The following SCAF11 variants were observed in gnomAD, a reference collection of about 807,000 sequenced individuals.
The protein encoded by SCAF11 is protein SCAF11.
SCAF11 carries 47 observed loss-of-function variants against 140.5 expected under a neutral mutation model. The ratio of observed to expected loss-of-function variants is 0.33; its 90% confidence interval spans 0.26 to 0.43. The LOEUF (loss-of-function observed/expected upper bound fraction) is 0.43. Among genes scored for constraint, SCAF11 ranks in the 20% least tolerant of loss-of-function variants. The pLI is 1.00. For missense variants in SCAF11, 1,645 were observed against 1,705.1 expected (o/e 0.96, Z 0.62); for synonymous variants, 557 against 579.4 (o/e 0.96, Z 0.55).
At chr12:45,959,993 A>T (rs920912566) in intron 3 of SCAF11, among the ~76,000 whole-genome samples, 1 of 152,216 alleles carries the variant, frequency 6.6e-6, no homozygotes. Context: ...GCAATTTGAA[A>T]AATATTACAT....
At chr12:45,929,642 T>C (rs1265029284) in intron 10 of SCAF11, 1 of 152,238 alleles carries the variant, frequency 6.6e-6, no homozygotes, top group Non-Finnish European at 1.5e-5. Context: ...CTCCAAGTTG[T>C]AATTTCAAAA....
intron 9 of SCAF11, 77 bp downstream of exon 9, chr12:45,933,054 C>A (rs1022949114): frequency 1.1e-6 from 1 of 929,532 alleles, no homozygotes; most frequent in Non-Finnish European, 1.6e-6. Flanking sequence ...GAATAAGGTA[C>A]CCTTGTACTT....
intron 1 of SCAF11, 33 bp downstream of exon 1, chr12:45,990,320 G>A: frequency 2.4e-6 from 3 of 1,231,808 alleles, no homozygotes; most frequent in Non-Finnish European, 3.0e-6. Flanking sequence ...AGCTGCCCAA[G>A]CCCATCCACC....
Position 45,951,652 on chromosome 12 carries a change from T to C in SCAF11, c.295A>G (p.Lys99Glu), listed in dbSNP as rs774837842. The stretch of plus-strand genomic sequence containing the variant: ...TGTTGCAGAATAAAAAGACTTACCT[T>C]AACATAACCTTCCAATGCACTGAAT... ...FKFSALEGYV[K>E]VQVKKQLRET... The change falls in exon 4 of 15, where the codon AAG (lysine) becomes GAG (glutamate). Residue 99 changes from lysine to glutamate, a missense_variant and splice_region_variant. Physicochemically the swap from Lys to Glu is moderately conservative, Grantham distance 56 (BLOSUM62 1). This residue lies in a region of SCAF11 where 1,582 missense variants were observed against 1,609.2 expected (regional missense o/e 0.98). Transcript: ENST00000369367. 1.9e-6 allele frequency: 3 copies of C among 1,574,634 alleles called. No individual in the cohort carries two copies. Among genetic ancestry groups the C allele is most frequent in the Non-Finnish European group, 2.6e-6 (3 of 1,155,856 alleles).
chr12:45,986,255 A>G (rs1015795656), intron 1 of SCAF11, among the ~76,000 whole-genome samples: 10 of 152,202 alleles, frequency 6.6e-5, no homozygotes, highest in Admixed American at 5.2e-4. Flanking sequence ...AAAGCTCCAA[A>G]GGTACTTTAA....
At chr12:45,948,327 A>G in intron 5 of SCAF11, 110 bp downstream of exon 5, 1 of 684,486 alleles carries the variant, frequency 1.5e-6, no homozygotes, top group Non-Finnish European at 2.5e-6. Context: ...GTGCTTTTGA[A>G]TAAGTGATTA....
At chr12:45,970,745 A>G (rs990512756) in intron 1 of SCAF11, among the ~76,000 whole-genome samples, 1 of 152,242 alleles carries the variant, frequency 6.6e-6, no homozygotes, top group African/African-American at 2.4e-5. Flanking sequence ...AAATTATCCT[A>G]TTATCTTGTG....
At position 45,927,972 on chromosome 12, in the gene SCAF11, A is replaced by C. The variant is rs202041881; in HGVS notation, c.1729T>G (p.Ser577Ala). 1 of 1,613,106 alleles carries C rather than the reference A, an allele frequency of 6.2e-7. No homozygotes were observed. Among genetic ancestry groups the C allele is most frequent in the Non-Finnish European group, 8.5e-7 (1 of 1,179,948 alleles). Reference protein sequence around the residue: ...PLSDLSENVESVVNEEKITES... With the variant: ...PLSDLSENVEAVVNEEKITES... ...GTTATTTTTTCTTCATTAACCACTG[A>C]CTCTACATTCTCAGATAAGTCACTT... The change falls in exon 11 of 15, where the codon TCA becomes GCA. Residue 577 changes from serine (S) to alanine (A), a missense_variant. Coordinates refer to ENST00000369367, the MANE Select transcript of SCAF11 (RefSeq NM_004719.3).
chr12:45,931,516 G>A lies in SCAF11; in HGVS notation c.831C>T (p.Phe277=), dbSNP rs773537491. 2.0e-5 allele frequency: 29 copies of A among 1,418,562 alleles called. No homozygotes were observed. The highest frequency in any genetic ancestry group is 1.6e-4 in the African/African-American group (11 of 67,208). The allele number at this position is 1,418,562 out of a possible 1,614,324, so 87.9% of individuals were successfully genotyped here. A position where few individuals can be genotyped will look rare whatever the true frequency, so the allele number is the denominator to read the frequency against. Residue 277 remains phenylalanine, a synonymous_variant, in exon 10 of 15, where the codon TTC becomes TTT. Transcript: ENST00000369367. Reference sequence around the variant, plus strand: ...TTTCACAAACTTTACCAAAATGTTCGAAAGATATGGTACTTGTTGGAAAAA... The same window carrying A: ...TTTCACAAACTTTACCAAAATGTTCAAAAGATATGGTACTTGTTGGAAAAA... ...RTIFPTSTIS[F]EHFGTSCKGY...
At chr12:45,948,359 AT>A (rs150664474) in intron 5 of SCAF11, 77 bp downstream of exon 5, 11 of 932,778 alleles carry the variant, frequency 1.2e-5, no homozygotes, top group Admixed American at 2.3e-5. Flanking sequence ...ACCCCACTTC[AT>A]TTTTTTAATA....
chr12:45,957,344 A>G (rs1226277915), intron 3 of SCAF11, among the ~76,000 whole-genome samples: 2 of 152,216 alleles, frequency 1.3e-5, no homozygotes, highest in African/African-American at 4.8e-5. Context: ...TGCATAAAGA[A>G]ACACCTGTAT....
Position 45,927,839 on chromosome 12 carries a change from G to C in SCAF11, c.1862C>G (p.Thr621Arg), listed in dbSNP as rs750305854. 4.9e-5 allele frequency: 79 copies of C among 1,613,786 alleles called. No individual in the cohort carries two copies. The South Asian group carries it at 7.1e-4, about 15-fold the overall frequency. Residue 621 changes from threonine to arginine, a missense_variant, in exon 11 of 15, where the codon ACA (threonine) becomes AGA (arginine). By Grantham distance (71) the Thr-to-Arg change is moderately conservative. Coordinates refer to ENST00000369367, the MANE Select transcript of SCAF11 (RefSeq NM_004719.3). ...GCTCTTAACAGATTGTCTGTCCACT[G>C]TCTGTATAATTTCACCCTCAGAAGA... Reference protein sequence around the residue: ...LESSEGEIIQTVDRQSVKSPE... With the variant: ...LESSEGEIIQRVDRQSVKSPE...
chr12:45,959,929 C>T (rs1240973085), intron 3 of SCAF11, among the ~76,000 whole-genome samples: 1 of 152,166 alleles, frequency 6.6e-6, no homozygotes. Context: ...TCCCTGCCTA[C>T]CCAGCATCAC....
intron 1 of SCAF11, among the ~76,000 whole-genome samples, chr12:45,972,450 T>C (rs547824887): frequency 4.6e-5 from 7 of 151,576 alleles, no homozygotes; most frequent in Non-Finnish European, 1.0e-4. Flanking sequence ...CCAAGCATAG[T>C]GGTGTGTCAC....
intron 1 of SCAF11, among the ~76,000 whole-genome samples, chr12:45,987,865 T>C (rs1946495128): frequency 6.6e-6 from 1 of 152,212 alleles, no homozygotes; most frequent in Non-Finnish European, 1.5e-5. Flanking sequence ...AGTGACTTTT[T>C]AGGAAGATAT....
intron 1 of SCAF11, chr12:45,974,574 A>T (rs1946188606): frequency 5.4e-6 from 1 of 183,806 alleles, no homozygotes; most frequent in Admixed American, 5.6e-5. Context: ...TTCTTTGTTC[A>T]TCCCTAAGAA....
In SCAF11 at chr12:45,922,103, C is replaced by G; in HGVS notation, c.4337G>C (p.Gly1446Ala). ...YVDKYKYSRK[G>A]SQKKTLEEPV... ...TTCTTCCAGAGTTTTCTTTTGGCTC[C>G]CCTTCCGTGAATATTTGTATTTGTC... Residue 1446 changes from glycine to alanine, a missense_variant, in exon 15 of 15, where the codon GGG (glycine) becomes GCG (alanine). Gly to Ala is a moderately conservative substitution (Grantham distance 60, BLOSUM62 0). Transcript: ENST00000369367. 1 of 1,613,510 alleles carries G rather than the reference C, an allele frequency of 6.2e-7. No homozygotes were observed. Among genetic ancestry groups the G allele is most frequent in the Non-Finnish European group, 8.5e-7 (1 of 1,179,844 alleles).
chr12:45,988,091 G>T (rs572594017), intron 1 of SCAF11, among the ~76,000 whole-genome samples: 2 of 152,248 alleles, frequency 1.3e-5, no homozygotes, highest in East Asian at 3.9e-4. Flanking sequence ...AGCAAGACAA[G>T]GTGCAAGGTT....
chr12:45,931,376 A>G, intron 10 of SCAF11, 130 bp downstream of exon 10: 1 of 461,278 alleles, frequency 2.2e-6, no homozygotes, highest in East Asian at 3.7e-5. Flanking sequence ...CCAAATATTT[A>G]TAGACGTATT....
Sources: gnomAD v4.1 joint callset for allele counts (sites outside exome capture counted in the v4.1 genomes callset) on GRCh38, gnomAD v4.1.1 for gene constraint, gnomAD v4.1.1 regional missense constraint, MANE v1.5 for transcripts, NCBI Gene and HGNC (gene_info 2026-07-23, HGNC 2026-07-21) for gene names.